PCDHGA3: variants seen among roughly 807,000 people sequenced by gnomAD.
The protein encoded by PCDHGA3 is protocadherin gamma-A3.
Under a neutral mutation model 58.5 loss-of-function variants are expected in PCDHGA3, and 40 were observed. That is an observed-to-expected ratio of 0.68 (90% CI 0.53 to 0.89). PCDHGA3 has a LOEUF of 0.89. Among genes scored for constraint, PCDHGA3 ranks in the 40% least tolerant of loss-of-function variants. PCDHGA3 has a pLI of 0.00. For synonymous variants in PCDHGA3, 530 were observed against 525.7 expected (o/e 1.01, Z -0.11); for missense variants, 1,223 against 1,195.9 (o/e 1.02, Z -0.33).
At chr5:141,452,511 A>G (rs573632978) in intron 1 of PCDHGA3, among the ~76,000 whole-genome samples, 1 of 152,056 alleles carries the variant, frequency 6.6e-6, no homozygotes, top group South Asian at 2.1e-4. Context: ...TTGTACACAC[A>G]CTCCCTCAAA....
At chr5:141,452,948 G>A (rs2098752873) in intron 1 of PCDHGA3, among the ~76,000 whole-genome samples, 1 of 152,134 alleles carries the variant, frequency 6.6e-6, no homozygotes, top group African/African-American at 2.4e-5. Context: ...CTTGCAATTG[G>A]TTGTCTTTAA....
In PCDHGA3 at chr5:141,418,905, T is replaced by C. The variant is rs144920415; in HGVS notation, c.2424+72448T>C. The C allele has an allele frequency of 5.0e-6, 8 of 1,613,944 alleles. No homozygotes were observed. The East Asian group carries it at 1.8e-4, about 36-fold the overall frequency. ...AACGACAACAGCCCAGAAATAATCA[T>C]CACGTCACTCTCTGATCAGATTATG... On this transcript the variant is annotated intron_variant, in intron 1 of 3. Coordinates refer to ENST00000253812, the MANE Select transcript of PCDHGA3 (RefSeq NM_018916.4).
rs374200575 is a variant in PCDHGA3, at chr5:141,432,105, C to T, written c.2425-62702C>T. On this transcript the variant is annotated intron_variant, in intron 1 of 3. Transcript: ENST00000253812. The surrounding 1 kb of genome is among the most constrained non-coding windows in gnomAD (Gnocchi z 6.0). ...AACGTGGCAGACACCAACGACAACC[C>T]GCCGGTCTTCCCTCAGGCCTCCTAT... 1.9e-6 allele frequency: 3 copies of T among 1,614,172 alleles called. No homozygotes were observed. Among genetic ancestry groups the T allele is most frequent in the Admixed American group, 3.3e-5 (2 of 60,032 alleles).
chr5:141,389,942 G>C lies in PCDHGA3; in HGVS notation c.2424+43485G>C, dbSNP rs775707080. On this transcript the variant is annotated intron_variant, in intron 1 of 3. Coordinates refer to ENST00000253812, the MANE Select transcript of PCDHGA3 (RefSeq NM_018916.4). ...ACCCCTCTGACCTCCAGGCTGAGCT[G>C]CAGTTTTACCTAGTGGTGGCCTTGG... is the stretch of plus-strand genomic sequence containing the variant. The C allele has an allele frequency of 2.5e-6, 4 of 1,613,952 alleles. No individual in the cohort carries two copies. The African/African-American group carries it at 5.3e-5, about 22-fold the overall frequency.
intron 1 of PCDHGA3, among the ~76,000 whole-genome samples, chr5:141,447,632 T>G (rs931349669): frequency 9.2e-5 from 14 of 152,160 alleles, no homozygotes; most frequent in Non-Finnish European, 2.1e-4. Flanking sequence ...ACCAACAGTA[T>G]GAATGATGGT....
At chr5:141,382,207 A>G (rs1042631528) in intron 1 of PCDHGA3, among the ~76,000 whole-genome samples, 1 of 152,206 alleles carries the variant, frequency 6.6e-6, no homozygotes, top group Admixed American at 6.5e-5. Context: ...ATTTATTAAA[A>G]TAGGTCTATA....
At chr5:141,383,115 G>A (rs1588935536) in intron 1 of PCDHGA3, 4 of 1,614,078 alleles carry the variant, frequency 2.5e-6, no homozygotes, top group Non-Finnish European at 2.5e-6. Context: ...GAGGTAGGAC[G>A]CAGCTTTTCG....
At position 141,486,182 on chromosome 5, in the gene PCDHGA3, C is replaced by G. The variant is rs1288782056; in HGVS notation, c.2425-8625C>G. On this transcript the variant is annotated intron_variant, in intron 1 of 3. Transcript: ENST00000253812. This position sits in a 1 kb window ranked among gnomAD's most constrained non-coding sequence, Gnocchi z 5.0. ...AGCCATGGAGCAACATTGCAGCCTT[C>G]GAGTGGATCTGCTGGACGTAAATGA... 1 of 1,614,198 alleles carries G rather than the reference C, an allele frequency of 6.2e-7. No individual in the cohort carries two copies. Among genetic ancestry groups the G allele is most frequent in the Non-Finnish European group, 8.5e-7 (1 of 1,180,028 alleles).
At chr5:141,429,387 T>TTA (rs775632416) in intron 1 of PCDHGA3, among the ~76,000 whole-genome samples, 40 of 151,448 alleles carry the variant, frequency 2.6e-4, no homozygotes, top group African/African-American at 7.0e-4. Context: ...GTTTTTTTTT[T>TTA]AAAAAAAATT....
intron 1 of PCDHGA3, among the ~76,000 whole-genome samples, chr5:141,438,591 C>CATATATAT (rs946798767): frequency 3.4e-4 from 26 of 75,528 alleles, no homozygotes; most frequent in Non-Finnish European, 5.4e-4. Flanking sequence ...TACATACATA[C>CATATATAT]ATATATATAT....
intron 1 of PCDHGA3, chr5:141,378,636 G>A (rs1775063094): frequency 6.6e-6 from 1 of 152,168 alleles, no homozygotes; most frequent in African/African-American, 2.4e-5. Context: ...CTGGTGAATG[G>A]GAGAACAAAT....
At chr5:141,422,344 C>A in intron 1 of PCDHGA3, 1 of 1,550,890 alleles carries the variant, frequency 6.4e-7, no homozygotes, top group Non-Finnish European at 8.7e-7. Flanking sequence ...TCTAAATGTG[C>A]AAGATCAAGA....
At chr5:141,443,137 A>G (rs1202995621) in intron 1 of PCDHGA3, among the ~76,000 whole-genome samples, 1 of 152,174 alleles carries the variant, frequency 6.6e-6, no homozygotes, top group Non-Finnish European at 1.5e-5. Flanking sequence ...GAACACTATC[A>G]TAAGTTATAC....
At chr5:141,384,012 A>G in intron 1 of PCDHGA3, 1 of 1,613,830 alleles carries the variant, frequency 6.2e-7, no homozygotes, top group Non-Finnish European at 8.5e-7. Flanking sequence ...TTTTCTACCT[A>G]CAAGACAGAG....
chr5:141,420,956 T>C lies in PCDHGA3; in HGVS notation c.2425-73851T>C, dbSNP rs17097281. 2.2e-3 allele frequency: 904 copies of C among 416,864 alleles called. 5 individuals carry two copies. The highest frequency in any genetic ancestry group is 0.016 in the African/African-American group (760 of 48,560). 25.8% of individuals were successfully genotyped at this position (416,864 alleles called of 1,614,324 possible). A position where few individuals can be genotyped will look rare whatever the true frequency, so the allele number is the denominator to read the frequency against. Reference sequence around the variant, plus strand: ...AATCATTTCTTCTGGAATTTCTTAGTCGTTGCAATAATAAGAATGGGCTCT... The same window carrying C: ...AATCATTTCTTCTGGAATTTCTTAGCCGTTGCAATAATAAGAATGGGCTCT... On this transcript the variant is annotated intron_variant, in intron 1 of 3. Coordinates refer to ENST00000253812, the MANE Select transcript of PCDHGA3 (RefSeq NM_018916.4).
chr5:141,359,612 G>A (rs989311707), intron 1 of PCDHGA3, among the ~76,000 whole-genome samples: 1 of 151,696 alleles, frequency 6.6e-6, no homozygotes, highest in Admixed American at 6.6e-5. Context: ...TGCAGAATAT[G>A]GTATGTTGTA....
chr5:141,504,546 G>A (rs911626023), intron 2 of PCDHGA3, among the ~76,000 whole-genome samples: 5 of 151,802 alleles, frequency 3.3e-5, no homozygotes, highest in African/African-American at 1.2e-4. Flanking sequence ...CATGGCAAAT[G>A]TTGGGGGACT....
At chr5:141,405,370 G>C in intron 1 of PCDHGA3, 1 of 1,606,236 alleles carries the variant, frequency 6.2e-7, no homozygotes, top group Non-Finnish European at 8.5e-7. Flanking sequence ...ACACCCCTTT[G>C]GTTCCGGTGA....
At chr5:141,375,992 G>C in intron 1 of PCDHGA3, 5 of 1,613,446 alleles carry the variant, frequency 3.1e-6, no homozygotes, top group Non-Finnish European at 4.2e-6. Context: ...GGACAGAGAC[G>C]CGCTCAAGCA....
Sources: allele counts gnomAD v4.1 joint callset (sites outside exome capture counted in the v4.1 genomes callset), GRCh38; gene constraint gnomAD v4.1.1; non-coding constraint Gnocchi (gnomAD v3.1); transcripts MANE v1.5; gene names NCBI Gene and HGNC (gene_info 2026-07-23, HGNC 2026-07-21).